SLC18A1: variants seen among roughly 807,000 people sequenced by gnomAD.
The protein encoded by SLC18A1 is solute carrier family 18 member A1.
SLC18A1 carries 69 observed loss-of-function variants against 53.7 expected under a neutral mutation model. That is an observed-to-expected ratio of 1.28 (90% CI 1.06 to 1.57). SLC18A1 has a LOEUF of 1.57. SLC18A1 is among the 40% of genes most tolerant of loss of function. SLC18A1 has a pLI of 0.00. For missense variants in SLC18A1, 932 were observed against 668.1 expected, an observed-to-expected ratio of 1.40 and a Z score of -4.35; for synonymous variants, 320 against 248.1, an observed-to-expected ratio of 1.29 and a Z score of -2.72.
At chr8:20,155,144 C>T (rs1405029188) in intron 10 of SLC18A1, among the ~76,000 whole-genome samples, 1 of 152,158 alleles carries the variant, frequency 6.6e-6, no homozygotes, top group African/African-American at 2.4e-5. Context: ...GGTCAGAGAA[C>T]AAAAGGCTCG....
chr8:20,165,603 AG>A (rs1200642764), intron 8 of SLC18A1, among the ~76,000 whole-genome samples: 5 of 152,170 alleles, frequency 3.3e-5, no homozygotes, highest in African/African-American at 1.2e-4. Flanking sequence ...CACTGAACTA[AG>A]GTAGAAGAAG....
At chr8:20,174,241 C>T in intron 5 of SLC18A1, 120 bp downstream of exon 5, 1 of 776,202 alleles carries the variant, frequency 1.3e-6, no homozygotes, top group Non-Finnish European at 2.2e-6. Context: ...ATCACAATTT[C>T]TACCTATCCA....
intron 15 of SLC18A1, among the ~76,000 whole-genome samples, chr8:20,146,810 G>A: frequency 8.0e-6 from 1 of 125,534 alleles, no homozygotes; most frequent in East Asian, 2.2e-4. Flanking sequence ...GGCAACAAGA[G>A]TGAAACTCCA....
chr8:20,171,681 A>AGTGTGTGT (rs111983026), intron 6 of SLC18A1, among the ~76,000 whole-genome samples, 187 bp from the exon 7 acceptor site: 138 of 147,100 alleles, frequency 9.4e-4, no homozygotes, highest in South Asian at 2.8e-3. Flanking sequence ...TAGTGGAGGA[A>AGTGTGTGT]GTGTGTGTGT....
chr8:20,169,524 A>G (rs2072056900), intron 8 of SLC18A1, among the ~76,000 whole-genome samples: 1 of 152,204 alleles, frequency 6.6e-6, no homozygotes, highest in African/African-American at 2.4e-5. Flanking sequence ...CGATACAATC[A>G]ATCTACTGTC....
chr8:20,173,856 G>C (rs2072187194), intron 5 of SLC18A1, among the ~76,000 whole-genome samples: 1 of 151,642 alleles, frequency 6.6e-6, no homozygotes, highest in Non-Finnish European at 1.5e-5. Flanking sequence ...GTCAGGCTCA[G>C]AGATCTATGG....
intron 5 of SLC18A1, among the ~76,000 whole-genome samples, 159 bp downstream of exon 5, chr8:20,174,202 T>C (rs2072198353): frequency 6.6e-6 from 1 of 152,142 alleles, no homozygotes; most frequent in South Asian, 2.1e-4. Flanking sequence ...TGTGAGCCAC[T>C]GTGCCCAGCC....
intron 8 of SLC18A1, among the ~76,000 whole-genome samples, chr8:20,166,282 T>G (rs1434756625): frequency 1.1e-5 from 1 of 94,938 alleles, no homozygotes; most frequent in Admixed American, 1.0e-4. Flanking sequence ...TGTGGGTGTG[T>G]GTGTGTCTAT....
Position 20,171,084 on chromosome 8 carries a change from G to C in SLC18A1, c.858+19C>G. On this transcript the variant is annotated intron_variant, in intron 8 of 15. Transcript: ENST00000276373. ...CCATCCTGTATAACTGTTAGAAATG[G>C]AGCTTTGTGTCTGCTTACCTCAGGA... 1 of 1,613,462 alleles carries C rather than the reference G, an allele frequency of 6.2e-7. No homozygotes were observed. Among genetic ancestry groups the C allele is most frequent in the Non-Finnish European group, 8.5e-7 (1 of 1,179,440 alleles).
chr8:20,147,187 T>C, intron 15 of SLC18A1, 71 bp downstream of exon 15: 1 of 1,510,846 alleles, frequency 6.6e-7, no homozygotes, highest in South Asian at 1.3e-5. Context: ...CAGCCCAGGA[T>C]GAAAGGGAAT....
chr8:20,154,632 A>C (rs1175839922), intron 10 of SLC18A1, among the ~76,000 whole-genome samples: 1 of 152,212 alleles, frequency 6.6e-6, no homozygotes, highest in African/African-American at 2.4e-5. Context: ...AAGATGAAAG[A>C]CATGTTCAGA....
At chr8:20,146,174 T>G (rs531871985) in intron 15 of SLC18A1, among the ~76,000 whole-genome samples, 1 of 152,052 alleles carries the variant, frequency 6.6e-6, no homozygotes, top group African/African-American at 2.4e-5. Flanking sequence ...CTCAGCCTCC[T>G]AAAGTGCTGG....
In SLC18A1 at chr8:20,177,648, A is replaced by G. The variant is rs554570409; in HGVS notation, c.547+787T>C. 3.3e-5 allele frequency among the ~76,000 whole-genome samples: 5 copies of G among 152,338 alleles called. No homozygotes were observed. In the East Asian group the frequency reaches 9.6e-4, roughly 29 times the overall value. The stretch of plus-strand genomic sequence containing the variant: ...GAACTTAAAGTATAATTAAAAAGAA[A>G]AGAAAAGAAAAGAAAAACGCGAGGG... On this transcript the variant is annotated intron_variant, in intron 4 of 15. Coordinates refer to ENST00000276373, the MANE Select transcript of SLC18A1 (RefSeq NM_003053.4).
intron 5 of SLC18A1, among the ~76,000 whole-genome samples, chr8:20,173,429 C>G (rs2072176794): frequency 6.6e-6 from 1 of 152,118 alleles, no homozygotes; most frequent in African/African-American, 2.4e-5. Context: ...TTTCCTAGCA[C>G]ATTTCCCAAA....
intron 12 of SLC18A1, 95 bp downstream of exon 12, chr8:20,149,581 T>A: frequency 1.0e-6 from 1 of 1,001,120 alleles, no homozygotes; most frequent in Non-Finnish European, 1.5e-6. Flanking sequence ...TTTCTCTCTC[T>A]CTCTCTCCCT....
intron 10 of SLC18A1, among the ~76,000 whole-genome samples, chr8:20,157,817 G>C (rs749841324): frequency 1.3e-5 from 2 of 152,100 alleles, no homozygotes; most frequent in Non-Finnish European, 2.9e-5. Context: ...GGGAGAAAAA[G>C]AAGGCCACCC....
rs74432084 is a variant in SLC18A1 at position 20,148,663 on chromosome 8, C to T, written c.1147-593G>A. ...CCCAATCCCCCAACAAAAACCCCTT[C>T]TTCCCTCTTTTTCAGGTTCCTTACC... On this transcript the variant is annotated intron_variant, in intron 12 of 15. Coordinates refer to ENST00000276373, the MANE Select transcript of SLC18A1 (RefSeq NM_003053.4). 1,643 of 409,368 alleles carry T rather than the reference C, an allele frequency of 4.0e-3. 23 individuals are homozygous for T. The highest frequency in any genetic ancestry group is 0.031 in the African/African-American group (1,513 of 48,096). 25.4% of individuals were successfully genotyped at this position (409,368 alleles called of 1,614,324 possible). A position where few individuals can be genotyped will look rare whatever the true frequency, so the allele number is the denominator to read the frequency against.
At chr8:20,154,199 G>T (rs1005598942) in intron 10 of SLC18A1, among the ~76,000 whole-genome samples, 1 of 152,140 alleles carries the variant, frequency 6.6e-6, no homozygotes, top group African/African-American at 2.4e-5. Context: ...CATGCAAAAT[G>T]AACTAATACA....
chr8:20,174,808 C>T (rs761530644), intron 4 of SLC18A1, among the ~76,000 whole-genome samples: 4 of 152,108 alleles, frequency 2.6e-5, no homozygotes, highest in African/African-American at 7.2e-5. Context: ...ACTCCTGGAT[C>T]GTCCATGTGC....
Sources: gnomAD v4.1 joint callset for allele counts (sites outside exome capture counted in the v4.1 genomes callset) on GRCh38, gnomAD v4.1.1 for gene constraint, MANE v1.5 for transcripts, NCBI Gene and HGNC (gene_info 2026-07-23, HGNC 2026-07-21) for gene names.